The following GSE1 variants were observed in gnomAD, a reference collection of about 807,000 sequenced individuals.
The protein encoded by GSE1 is Gse1 coiled-coil protein, also known as genetic suppressor element 1.
In GSE1, 32 loss-of-function variants were observed where a neutral mutation model predicts 112.6. That is an observed-to-expected ratio of 0.28 (90% CI 0.21 to 0.38). The LOEUF is 0.38. Among genes scored for constraint, GSE1 ranks in the 10% least tolerant of loss-of-function variants. The pLI, the probability that GSE1 is intolerant of heterozygous loss-of-function variation, is 1.00. For missense variants in GSE1, 2,348 were observed against 1,699.2 expected (o/e 1.38, Z -6.71); for synonymous variants, 1,115 against 735.6 (o/e 1.52, Z -8.35).
chr16:85,661,706 G>A lies in GSE1; in HGVS notation c.2201G>A (p.Arg734Gln), dbSNP rs751613874. 21 of 1,598,226 alleles carry A rather than the reference G, an allele frequency of 1.3e-5. No homozygotes were observed. The highest frequency in any genetic ancestry group is 2.3e-5 in the East Asian group (1 of 44,334). Reference sequence around the variant, plus strand: ...TATGATGAGTTCCTGCAGCAGCGCCGGAGGCTGGTCAGCAAGCTGGACCTG... The same window carrying A: ...TATGATGAGTTCCTGCAGCAGCGCCAGAGGCTGGTCAGCAAGCTGGACCTG... ...YIYDEFLQQR[R>Q]RLVSKLDLEE... Residue 734 changes from arginine (R) to glutamine (Q), a missense_variant, in exon 9 of 16, where the codon CGG becomes CAG. Transcript: ENST00000253458.
intron 1 of GSE1, among the ~76,000 whole-genome samples, chr16:85,589,528 G>T (rs1432159448): frequency 6.6e-6 from 1 of 152,180 alleles, no homozygotes; most frequent in Non-Finnish European, 1.5e-5. Flanking sequence ...GGGGCGGGGG[G>T]TCCCTGGTAT....
intron 1 of GSE1, among the ~76,000 whole-genome samples, chr16:85,259,440 A>G (rs34875950): frequency 0.11 from 17,264 of 152,278 alleles, 1,186 homozygotes; most frequent in Non-Finnish European, 0.15. Flanking sequence ...AAACAGCCAG[A>G]CAGGGGATCT....
intron 1 of GSE1, among the ~76,000 whole-genome samples, chr16:85,304,309 C>G (rs1040321474): frequency 1.3e-5 from 2 of 152,214 alleles, no homozygotes; most frequent in Non-Finnish European, 2.9e-5. Context: ...TTACTGACCT[C>G]CTGCCCTTTT....
intron 1 of GSE1, among the ~76,000 whole-genome samples, chr16:85,346,878 G>T (rs2046753914): frequency 6.6e-6 from 1 of 151,950 alleles, no homozygotes; most frequent in Admixed American, 6.6e-5. Context: ...TAGATGGATG[G>T]TGGATGAGCG....
chr16:85,352,595 G>A (rs1029906658), intron 1 of GSE1, among the ~76,000 whole-genome samples: 2 of 152,198 alleles, frequency 1.3e-5, no homozygotes, highest in Non-Finnish European at 2.9e-5. Context: ...GCAGGTTTCA[G>A]GGCCTGCTTT....
intron 2 of GSE1, among the ~76,000 whole-genome samples, chr16:85,512,618 T>C (rs1467295499): frequency 6.6e-6 from 1 of 152,164 alleles, no homozygotes; most frequent in African/African-American, 2.4e-5. Flanking sequence ...TCTCCTACTT[T>C]GAGTAGCTGT....
intron 1 of GSE1, among the ~76,000 whole-genome samples, chr16:85,331,405 A>ATATATATGTATATATATGTGTATATATG (rs2046347956): frequency 7.1e-6 from 1 of 141,694 alleles, no homozygotes; most frequent in African/African-American, 2.6e-5. Context: ...GTATATATGT[A>ATATATATGTATATATATGTGTATATATG]TATATATGCG....
Position 85,670,987 on chromosome 16 carries a change from C to T in GSE1, c.3416-8C>T, listed in dbSNP as rs1428929949. 5 of 1,577,500 alleles carry T rather than the reference C, an allele frequency of 3.2e-6. No homozygotes were observed. The highest frequency in any genetic ancestry group is 4.4e-6 in the Non-Finnish European group (5 of 1,147,176). Reference sequence around the variant, plus strand: ...CGGAAAATACATCACCATCTCCTGTCTTTTCAGAGCAAAATCTGGAGCGGC... The same window carrying T: ...CGGAAAATACATCACCATCTCCTGTTTTTTCAGAGCAAAATCTGGAGCGGC... On this transcript the variant is annotated splice_region_variant and splice_polypyrimidine_tract_variant and intron_variant, in intron 14 of 15. Coordinates refer to ENST00000253458, the MANE Select transcript of GSE1 (RefSeq NM_014615.5).
At chr16:85,528,371 G>A (rs2052428616) in intron 2 of GSE1, among the ~76,000 whole-genome samples, 1 of 152,140 alleles carries the variant, frequency 6.6e-6, no homozygotes. Flanking sequence ...CACCCAGCTG[G>A]TACAACCCTA....
intron 1 of GSE1, chr16:85,594,232 T>TGGGGGGGGGGGGG (rs1567626522): frequency 3.0e-4 from 2 of 6,600 alleles, no homozygotes; most frequent in Admixed American, 1.9e-3. Context: ...CCCTGGGGGG[T>TGGGGGGGGGGGGG]TGGGGGGGGG....
At chr16:85,366,426 C>A (rs2047187029) in intron 2 of GSE1, among the ~76,000 whole-genome samples, 2 of 152,278 alleles carry the variant, frequency 1.3e-5, no homozygotes, top group South Asian at 4.1e-4. Flanking sequence ...GTCTGTTTCC[C>A]TCTCCACGAC....
intron 1 of GSE1, among the ~76,000 whole-genome samples, chr16:85,212,193 G>A (rs1237395217): frequency 6.6e-6 from 1 of 152,204 alleles, no homozygotes; most frequent in Non-Finnish European, 1.5e-5. Context: ...AACACTTGAG[G>A]TCAGGAGATC....
At position 85,336,755 on chromosome 16, in the gene GSE1, C is replaced by A. The variant is rs918994867; in HGVS notation, c.2284-20708C>A. Among the ~76,000 whole-genome samples, 142 of 152,298 alleles carry A rather than the reference C, an allele frequency of 9.3e-4. 1 individual carries two copies. Among genetic ancestry groups the A allele is most frequent in the East Asian group, 1.5e-3 (8 of 5,184 alleles). Reference sequence around the variant, plus strand: ...TAGCTGGGATTACAGGCGCCTGCCACCACGCCCAGCCTTGCCCTCACAATT... The same window carrying A: ...TAGCTGGGATTACAGGCGCCTGCCAACACGCCCAGCCTTGCCCTCACAATT... On this transcript the variant is annotated intron_variant, in intron 1 of 2. Transcript: ENST00000637419.
At chr16:85,634,382 G>A (rs945368566) in intron 2 of GSE1, among the ~76,000 whole-genome samples, 3 of 152,104 alleles carry the variant, frequency 2.0e-5, no homozygotes, top group Non-Finnish European at 4.4e-5. Context: ...GCCACTGCAG[G>A]GGTGTCCGGA....
chr16:85,391,952 T>G (rs913095468), intron 2 of GSE1, among the ~76,000 whole-genome samples: 1 of 152,100 alleles, frequency 6.6e-6, no homozygotes, highest in Non-Finnish European at 1.5e-5. Flanking sequence ...CAGGAGTCAC[T>G]CCAGCCCAAG....
chr16:85,231,340 T>TGGACAGATGGA (rs1372308498), intron 1 of GSE1, among the ~76,000 whole-genome samples: 8 of 146,860 alleles, frequency 5.4e-5, no homozygotes, highest in Non-Finnish European at 1.2e-4. Context: ...GATGGATGGA[T>TGGACAGATGGA]GGACAGATGG....
intron 13 of GSE1, 54 bp downstream of exon 13, chr16:85,666,401 A>C: frequency 1.3e-6 from 2 of 1,596,578 alleles, no homozygotes; most frequent in East Asian, 2.2e-5. Flanking sequence ...AGGCTGACCA[A>C]AGTTGCTGAG....
intron 1 of GSE1, among the ~76,000 whole-genome samples, chr16:85,184,446 G>A (rs1397294295): frequency 6.6e-6 from 1 of 152,222 alleles, no homozygotes; most frequent in Non-Finnish European, 1.5e-5. Context: ...AGTGATGCCT[G>A]CTAAATTATA....
At chr16:85,532,513 T>A (rs1225686163) in intron 2 of GSE1, among the ~76,000 whole-genome samples, 1 of 152,202 alleles carries the variant, frequency 6.6e-6, no homozygotes, top group Non-Finnish European at 1.5e-5. Context: ...CCTCCTGCCT[T>A]GGCCTCCCAG....
Sources: gnomAD v4.1 joint callset for allele counts (sites outside exome capture counted in the v4.1 genomes callset) on GRCh38, gnomAD v4.1.1 for gene constraint, MANE v1.5 for transcripts, NCBI Gene and HGNC (gene_info 2026-07-23, HGNC 2026-07-21) for gene names.